The following PTGFRN variants were observed in gnomAD, a reference collection of about 807,000 sequenced individuals.
The protein encoded by PTGFRN is prostaglandin F2 receptor inhibitor.
Under a neutral mutation model 83.2 loss-of-function variants are expected in PTGFRN, and 35 were observed. The ratio of observed to expected loss-of-function variants is 0.42; its 90% confidence interval spans 0.32 to 0.56. PTGFRN has a LOEUF of 0.56. Ranked by LOEUF, PTGFRN falls within the 20% of genes least tolerant of loss-of-function variation. PTGFRN has a pLI of 0.11. For missense variants in PTGFRN, 1,051 were observed against 1,179.5 expected (o/e 0.89, Z 1.60); for synonymous variants, 519 against 498.6 (o/e 1.04, Z -0.55).
chr1:116,944,494 A>G (rs1650136059), intron 2 of PTGFRN, among the ~76,000 whole-genome samples, 185 bp from the exon 3 acceptor site: 2 of 151,822 alleles, frequency 1.3e-5, no homozygotes, highest in South Asian at 4.1e-4. Context: ...TGGTACCTTT[A>G]TTTTTCTTTT....
chr1:116,986,771 C>G, intron 8 of PTGFRN, 30 bp from the exon 9 acceptor site: 1 of 1,609,838 alleles, frequency 6.2e-7, no homozygotes, highest in Non-Finnish European at 8.5e-7. Context: ...GCAGCACTGA[C>G]TGGCTTCCCC....
rs780610243 is a variant in PTGFRN, at chr1:116,918,184, C to A, written c.49+7932C>A. 1.3e-5 allele frequency among the ~76,000 whole-genome samples: 2 copies of A among 152,164 alleles called. No individual in the cohort carries two copies. The highest frequency in any genetic ancestry group is 1.3e-4 in the Admixed American group (2 of 15,264). ...ACTTCTGTTCTTTATACCCTTCCAGCCTTACTTCATCTCCCAATTAAAAGA... is the reference window on the plus strand; with the variant it reads ...ACTTCTGTTCTTTATACCCTTCCAGACTTACTTCATCTCCCAATTAAAAGA... On this transcript the variant is annotated intron_variant, in intron 1 of 8. Coordinates refer to ENST00000393203, the MANE Select transcript of PTGFRN (RefSeq NM_020440.4). This position sits in a 1 kb window ranked among gnomAD's most constrained non-coding sequence, Gnocchi z 4.1.
intron 4 of PTGFRN, among the ~76,000 whole-genome samples, chr1:116,949,914 C>T (rs1012663099): frequency 4.6e-5 from 7 of 152,158 alleles, no homozygotes; most frequent in African/African-American, 1.7e-4. Flanking sequence ...TCCTTTGTTT[C>T]TCTTAGACTC....
chr1:116,912,454 TG>T lies in PTGFRN; in HGVS notation c.49+2205del, dbSNP rs1649296942. Reference sequence around the variant, plus strand: ...TCATCTTTCCTCCTGGGGTGTAACCTGGGTATAATCGTGGTATCGCTGCTCT... The same window carrying T: ...TCATCTTTCCTCCTGGGGTGTAACCTGGTATAATCGTGGTATCGCTGCTCT... On this transcript the variant is annotated intron_variant, in intron 1 of 8. Transcript: ENST00000393203. Among the ~76,000 whole-genome samples, 8 of 152,352 alleles carry T rather than the reference TG, an allele frequency of 5.3e-5. No individual in the cohort carries two copies. The South Asian group carries it at 1.4e-3, about 28-fold the overall frequency.
intron 8 of PTGFRN, 67 bp downstream of exon 8, chr1:116,985,052 C>G: frequency 6.6e-7 from 1 of 1,524,726 alleles, no homozygotes; most frequent in Middle Eastern, 1.7e-4. Flanking sequence ...CTGTAGCTGA[C>G]AGAACCCAGG....
At chr1:116,929,635 T>A (rs994934456) in intron 1 of PTGFRN, among the ~76,000 whole-genome samples, 1 of 152,234 alleles carries the variant, frequency 6.6e-6, no homozygotes, top group Non-Finnish European at 1.5e-5. Flanking sequence ...TGGTCTAAAC[T>A]CAGACATGAC....
rs1439766661 is a variant in PTGFRN, at chr1:116,920,924, G to A, written c.49+10672G>A. ...CAGGTGTGAGCTACCATGTCTAGCC[G>A]AAGAGTTGAAATTCTGACATCTCCA... On this transcript the variant is annotated intron_variant, in intron 1 of 8. Coordinates refer to ENST00000393203, the MANE Select transcript of PTGFRN (RefSeq NM_020440.4). Among the ~76,000 whole-genome samples the A allele has an allele frequency of 4.6e-5, 7 of 152,288 alleles. No homozygotes were observed. In the South Asian group the frequency reaches 6.2e-4, roughly 14 times the overall value.
chr1:116,937,309 T>C (rs1031355698), intron 1 of PTGFRN, among the ~76,000 whole-genome samples: 4 of 152,234 alleles, frequency 2.6e-5, no homozygotes, highest in Non-Finnish European at 4.4e-5. Context: ...TGGGAAGTGA[T>C]TGGAGACCTT....
In PTGFRN at chr1:116,974,104, A is replaced by G. The variant is rs1651075464; in HGVS notation, c.2060-112A>G. The G allele has an allele frequency of 6.4e-6, 5 of 782,756 alleles. No individual in the cohort carries two copies. In the African/African-American group the frequency reaches 8.7e-5, roughly 14 times the overall value. 48.5% of individuals were successfully genotyped at this position (782,756 alleles called of 1,614,324 possible). A position where few individuals can be genotyped will look rare whatever the true frequency, so the allele number is the denominator to read the frequency against. On this transcript the variant is annotated intron_variant, in intron 6 of 8. Coordinates refer to ENST00000393203, the MANE Select transcript of PTGFRN (RefSeq NM_020440.4). Reference sequence around the variant, plus strand: ...TGGAACACCTATTTTGTGAGTTTCTAGACCAGTTCCCAGGGAAGAGAACCA... The same window carrying G: ...TGGAACACCTATTTTGTGAGTTTCTGGACCAGTTCCCAGGGAAGAGAACCA...
chr1:116,989,724 A>C lies in PTGFRN; in HGVS notation c.*2757A>C, dbSNP rs1045837935. Reference sequence around the variant, plus strand: ...CGTTTCACTTTGAAAAAAAATGCAAATCGACTTTTTAACAACTGTTGAGAT... The same window carrying C: ...CGTTTCACTTTGAAAAAAAATGCAACTCGACTTTTTAACAACTGTTGAGAT... On this transcript the variant is annotated 3_prime_UTR_variant, in exon 9 of 9. Coordinates refer to ENST00000393203, the MANE Select transcript of PTGFRN (RefSeq NM_020440.4). 6.5e-6 allele frequency: 1 copy of C among 152,708 alleles called. No homozygotes were observed. The highest frequency in any genetic ancestry group is 2.4e-5 in the African/African-American group (1 of 41,540). The allele number at this position is 152,708 out of a possible 1,614,324, so 9.5% of individuals were successfully genotyped here.
rs1650075451 is a variant in PTGFRN, at chr1:116,941,971, G to T, written c.306G>T (p.Val102=). Reference sequence around the variant, plus strand: ...TAAGGCGGACTGCCAACGACGCCGTGGAGCTCCACATAAAGAACGTCCAGC... The same window carrying T: ...TAAGGCGGACTGCCAACGACGCCGTTGAGCTCCACATAAAGAACGTCCAGC... ...ILLRRTANDA[V]ELHIKNVQPS... Residue 102 remains valine (V), a synonymous_variant, in exon 2 of 9, where the codon GTG becomes GTT. Coordinates refer to ENST00000393203, the MANE Select transcript of PTGFRN (RefSeq NM_020440.4). This position sits in a 1 kb window ranked among gnomAD's most constrained non-coding sequence, Gnocchi z 5.0. 1 of 1,614,056 alleles carries T rather than the reference G, an allele frequency of 6.2e-7. No homozygotes were observed. Among genetic ancestry groups the T allele is most frequent in the African/African-American group, 1.3e-5 (1 of 74,910 alleles).
At position 116,961,245 on chromosome 1, in the gene PTGFRN, C is replaced by G. The variant is rs1650652795; in HGVS notation, c.1216C>G (p.Pro406Ala). ...PAGVGVTWLE[P>A]DYQVYLNASK... ...TGGCCTTTCTGTCTCTCGTTCAGAA[C>G]CAGACTACCAGGTGTACCTGAATGC... is the stretch of plus-strand genomic sequence containing the variant. Residue 406 changes from proline to alanine, a missense_variant and splice_region_variant, in exon 5 of 9, where the codon CCA becomes GCA. Transcript: ENST00000393203. This position sits in a 1 kb window ranked among gnomAD's most constrained non-coding sequence, Gnocchi z 5.4. 6.6e-7 allele frequency: 1 copy of G among 1,507,198 alleles called. No homozygotes were observed. The highest frequency in any genetic ancestry group is 8.9e-7 in the Non-Finnish European group (1 of 1,129,316). The allele number at this position is 1,507,198 out of a possible 1,614,324, so 93.4% of individuals were successfully genotyped here. A position where few individuals can be genotyped will look rare whatever the true frequency, so the allele number is the denominator to read the frequency against.
chr1:116,915,196 T>C (rs1649375099), intron 1 of PTGFRN, among the ~76,000 whole-genome samples: 1 of 152,192 alleles, frequency 6.6e-6, no homozygotes, highest in African/African-American at 2.4e-5. Context: ...AGAAAGATGA[T>C]AGTGGTTTGA....
intron 6 of PTGFRN, 84 bp from the exon 7 acceptor site, chr1:116,974,132 T>G: frequency 9.4e-7 from 1 of 1,061,042 alleles, no homozygotes; most frequent in Non-Finnish European, 1.4e-6. Flanking sequence ...GAGAACCACA[T>G]TTTGATGCCC....
At chr1:116,967,568 A>T (rs1487265828) in intron 6 of PTGFRN, among the ~76,000 whole-genome samples, 1 of 152,152 alleles carries the variant, frequency 6.6e-6, no homozygotes, top group African/African-American at 2.4e-5. Flanking sequence ...CCCCTTAGCC[A>T]ATACCCTCCA....
intron 1 of PTGFRN, among the ~76,000 whole-genome samples, chr1:116,913,968 A>G (rs1649337537): frequency 6.6e-6 from 1 of 152,234 alleles, no homozygotes. Context: ...TTACATCTGT[A>G]TTTTAAAATT....
In PTGFRN at chr1:116,958,106, C is replaced by T. The variant is rs1212261835; in HGVS notation, c.1214-3137C>T. On this transcript the variant is annotated intron_variant, in intron 4 of 8. Coordinates refer to ENST00000393203, the MANE Select transcript of PTGFRN (RefSeq NM_020440.4). This position sits in a 1 kb window ranked among gnomAD's most constrained non-coding sequence, Gnocchi z 4.9. ...CATCTTTCATCATAATTTTGACAGC[C>T]TTTGAAAAGGTGCCACTCTGAAAGA... 1.3e-5 allele frequency among the ~76,000 whole-genome samples: 2 copies of T among 152,050 alleles called. No individual in the cohort carries two copies. The highest frequency in any genetic ancestry group is 2.9e-5 in the Non-Finnish European group (2 of 68,022).
At chr1:116,948,481 A>G in intron 3 of PTGFRN, among the ~76,000 whole-genome samples, 1 of 152,252 alleles carries the variant, frequency 6.6e-6, no homozygotes, top group East Asian at 1.9e-4. Context: ...TGTCTAAGAA[A>G]TAAATTATAC....
chr1:116,984,845 T>A lies in PTGFRN; in HGVS notation c.2333T>A (p.Leu778Gln). ...LERVSVLEFL[L>Q]QVHGSEDQDF... is the part of the protein sequence containing the mutation. The stretch of plus-strand genomic sequence containing the variant: ...CGCGTGAGTGTGCTGGAATTCTTGC[T>A]GCAAGTGCATGGCTCCGAGGACCAG... The change falls in exon 8 of 9, where the codon CTG becomes CAG. Residue 778 changes from leucine to glutamine, a missense_variant. Coordinates refer to ENST00000393203, the MANE Select transcript of PTGFRN (RefSeq NM_020440.4). 1 of 1,614,176 alleles carries A rather than the reference T, an allele frequency of 6.2e-7. No homozygotes were observed. The highest frequency in any genetic ancestry group is 8.5e-7 in the Non-Finnish European group (1 of 1,180,040).
Sources: gnomAD v4.1 joint callset for allele counts (sites outside exome capture counted in the v4.1 genomes callset) on GRCh38, gnomAD v4.1.1 for gene constraint, Gnocchi (gnomAD v3.1) non-coding constraint, MANE v1.5 for transcripts, NCBI Gene and HGNC (gene_info 2026-07-23, HGNC 2026-07-21) for gene names.